SEL1L3: variants seen among roughly 807,000 people sequenced by gnomAD.
SEL1L3 encodes the protein SEL1L family member 3, also known as protein sel-1 homolog 3.
A neutral mutation model predicts 142.8 loss-of-function variants in SEL1L3; 76 were observed. The ratio of observed to expected loss-of-function variants is 0.53; its 90% CI spans 0.44 to 0.64. The LOEUF (loss-of-function observed/expected upper bound fraction) is 0.64, where lower values mean the gene tolerates loss of function less well. SEL1L3 is among the 30% of genes least tolerant of loss of function. The pLI is 0.00. For missense variants in SEL1L3, 1,262 were observed against 1,381.7 expected (o/e 0.91, Z 1.37); for synonymous variants, 504 against 519.6 (o/e 0.97, Z 0.41).
At chr4:25,778,995 A>G in intron 16 of SEL1L3, 81 bp downstream of exon 16, 1 of 1,293,448 alleles carries the variant, frequency 7.7e-7, no homozygotes, top group Non-Finnish European at 1.1e-6. Context: ...AAAAATAAAG[A>G]ACTCAACTTA....
At chr4:25,826,371 A>C (rs1236073591) in intron 6 of SEL1L3, among the ~76,000 whole-genome samples, 2 of 152,232 alleles carry the variant, frequency 1.3e-5, no homozygotes, top group Non-Finnish European at 2.9e-5. Context: ...TTTACGTTAC[A>C]GGAACAAATA....
intron 6 of SEL1L3, among the ~76,000 whole-genome samples, chr4:25,825,927 C>T (rs1159654764): frequency 1.3e-5 from 2 of 152,124 alleles, no homozygotes. Context: ...CTGCTTCGGC[C>T]TCCCAAAGTG....
intron 13 of SEL1L3, among the ~76,000 whole-genome samples, chr4:25,786,467 CCAGAGT>C (rs1305522728): frequency 6.6e-6 from 1 of 152,156 alleles, no homozygotes. Context: ...TATATCACTC[CCAGAGT>C]CATTTATTTC....
At chr4:25,860,183 C>T (rs1378958724) in intron 1 of SEL1L3, among the ~76,000 whole-genome samples, 89 of 152,236 alleles carry the variant, frequency 5.8e-4, no homozygotes, top group Non-Finnish European at 4.4e-5. Flanking sequence ...CTGGATAATG[C>T]CTATAAACGA....
intron 1 of SEL1L3, among the ~76,000 whole-genome samples, chr4:25,853,953 T>C (rs1246377467): frequency 1.3e-5 from 2 of 152,110 alleles, no homozygotes; most frequent in Non-Finnish European, 2.9e-5. Flanking sequence ...ATTACAGGTG[T>C]GAGCCACTGC....
At chr4:25,857,363 C>A (rs1717334630) in intron 1 of SEL1L3, among the ~76,000 whole-genome samples, 1 of 152,190 alleles carries the variant, frequency 6.6e-6, no homozygotes, top group African/African-American at 2.4e-5. Flanking sequence ...CTCCCCCATA[C>A]TATTTAATAT....
chr4:25,825,667 T>TA (rs1715047515), intron 6 of SEL1L3, among the ~76,000 whole-genome samples: 2 of 50,030 alleles, frequency 4.0e-5, no homozygotes, highest in South Asian at 6.6e-4. Flanking sequence ...CTAAATTCTA[T>TA]TTTTTTTTTT....
intron 11 of SEL1L3, among the ~76,000 whole-genome samples, chr4:25,799,611 C>T (rs1173785201): frequency 6.6e-6 from 1 of 152,086 alleles, no homozygotes; most frequent in Non-Finnish European, 1.5e-5. Flanking sequence ...AGCAGGGGTG[C>T]ACGTGGGGAG....
intron 11 of SEL1L3, among the ~76,000 whole-genome samples, chr4:25,793,441 G>C (rs1425606118): frequency 3.3e-5 from 5 of 151,982 alleles, no homozygotes; most frequent in African/African-American, 1.2e-4. Flanking sequence ...GCACCACCAA[G>C]CCCAGCTATT....
rs1717326065 is a variant in SEL1L3 at position 25,747,651 on chromosome 4, A to G, written c.*774T>C. The G allele has an allele frequency of 6.6e-6, 1 of 152,158 alleles. No homozygotes were observed. The highest frequency in any genetic ancestry group is 1.5e-5 in the Non-Finnish European group (1 of 68,042). The allele number at this position is 152,158 out of a possible 1,614,324, so 9.4% of individuals were successfully genotyped here. A position where few individuals can be genotyped will look rare whatever the true frequency, so the allele number is the denominator to read the frequency against. On this transcript the variant is annotated 3_prime_UTR_variant, in exon 24 of 24. Transcript: ENST00000399878. Reference sequence around the variant, plus strand: ...AGGCATGAGGGGTAGGGATGAAACTATAAGCTAGAGGCTTACTTGCTGCAT... The same window carrying G: ...AGGCATGAGGGGTAGGGATGAAACTGTAAGCTAGAGGCTTACTTGCTGCAT...
At chr4:25,833,664 C>T in intron 3 of SEL1L3, 95 bp from the exon 4 acceptor site, 1 of 1,135,294 alleles carries the variant, frequency 8.8e-7, no homozygotes, top group Non-Finnish European at 1.2e-6. Flanking sequence ...GCTTTCTTTC[C>T]AATGAATGGA....
chr4:25,844,926 A>C (rs1001749435), intron 2 of SEL1L3, among the ~76,000 whole-genome samples: 1 of 152,212 alleles, frequency 6.6e-6, no homozygotes, highest in African/African-American at 2.4e-5. Context: ...ACACACAGAA[A>C]GGGAATTTAC....
chr4:25,837,865 G>A (rs112092228), intron 2 of SEL1L3, among the ~76,000 whole-genome samples: 2,298 of 152,214 alleles, frequency 0.015, 19 homozygotes, highest in Non-Finnish European at 0.024. Context: ...GACTAGTGAT[G>A]TCTTGTCATG....
At chr4:25,827,571 T>C (rs1401860844) in intron 6 of SEL1L3, among the ~76,000 whole-genome samples, 1 of 152,208 alleles carries the variant, frequency 6.6e-6, no homozygotes, top group Non-Finnish European at 1.5e-5. Flanking sequence ...TTAAGCCACT[T>C]CATTTTGGCA....
intron 17 of SEL1L3, among the ~76,000 whole-genome samples, chr4:25,771,088 G>C (rs1414111675): frequency 6.6e-6 from 1 of 152,214 alleles, no homozygotes; most frequent in Non-Finnish European, 1.5e-5. Flanking sequence ...GCTCCTACTT[G>C]TGTTTCAACA....
intron 12 of SEL1L3, among the ~76,000 whole-genome samples, chr4:25,789,358 T>A (rs1712108947): frequency 6.6e-6 from 1 of 152,060 alleles, no homozygotes; most frequent in Non-Finnish European, 1.5e-5. Context: ...AGCAGGAGAA[T>A]TGCTTGAGGC....
chr4:25,826,201 A>C (rs1715082996), intron 6 of SEL1L3, among the ~76,000 whole-genome samples: 1 of 152,188 alleles, frequency 6.6e-6, no homozygotes, highest in Admixed American at 6.5e-5. Flanking sequence ...CTCAGTAAAC[A>C]GGTGTTGAAT....
rs1240594228 is a variant in SEL1L3, at chr4:25,767,540, C to T, written c.2830G>A (p.Asp944Asn). Residue 944 changes from aspartate (D) to asparagine (N), a missense_variant, in exon 19 of 24, where the codon GAT becomes AAT. This residue lies in a region of SEL1L3 where 435 missense variants were observed against 559.2 expected (regional missense o/e 0.78). Transcript: ENST00000399878. ...RYYNFSVFQI[D>N]APSFAYLKMG... ...CTATACATACCAAAGGAAGGAGCAT[C>T]GATTTGAAAAACAGAGAAATTATAG... 6.9e-6 allele frequency: 11 copies of T among 1,585,110 alleles called. No individual in the cohort carries two copies. The highest frequency in any genetic ancestry group is 9.5e-6 in the Non-Finnish European group (11 of 1,158,246).
intron 9 of SEL1L3, among the ~76,000 whole-genome samples, chr4:25,810,130 T>C (rs1713918842): frequency 6.6e-6 from 1 of 152,192 alleles, no homozygotes; most frequent in African/African-American, 2.4e-5. Flanking sequence ...AGAGAACCAT[T>C]TGTTGGCAGA....
Sources: allele counts gnomAD v4.1 joint callset (sites outside exome capture counted in the v4.1 genomes callset), GRCh38; gene constraint gnomAD v4.1.1; regional missense constraint gnomAD v4.1.1; transcripts MANE v1.5; gene names NCBI Gene and HGNC (gene_info 2026-07-23, HGNC 2026-07-21).